SNTG1: variants seen among roughly 807,000 people sequenced by gnomAD.
The protein encoded by SNTG1 is syntrophin gamma 1, also known as gamma-1-syntrophin.
In SNTG1, 39 loss-of-function variants were observed where a neutral mutation model predicts 74.7. The ratio of observed to expected loss-of-function variants is 0.52; its 90% CI spans 0.40 to 0.68. The LOEUF (loss-of-function observed/expected upper bound fraction) is 0.68. Ranked by LOEUF, SNTG1 falls within the 30% of genes least tolerant of loss-of-function variation. The pLI, the probability that SNTG1 is intolerant of heterozygous loss-of-function variation, is 0.00. For synonymous variants in SNTG1, 254 were observed against 217.1 expected (o/e 1.17, Z -1.49); for missense variants, 685 against 609.5 (o/e 1.12, Z -1.30).
At chr8:50,198,744 T>A (rs1453510125) in intron 2 of SNTG1, among the ~76,000 whole-genome samples, 2 of 152,230 alleles carry the variant, frequency 1.3e-5, no homozygotes, top group African/African-American at 2.4e-5. Flanking sequence ...ATTCAAGGAA[T>A]CACAGTGTGT....
chr8:50,496,769 A>G (rs571820287), intron 8 of SNTG1, among the ~76,000 whole-genome samples: 2 of 152,264 alleles, frequency 1.3e-5, no homozygotes, highest in East Asian at 3.9e-4. Flanking sequence ...TTGAGAGAAT[A>G]ACTGTGCTAA....
intron 2 of SNTG1, among the ~76,000 whole-genome samples, chr8:50,176,859 G>A (rs915455373): frequency 3.3e-5 from 5 of 152,158 alleles, no homozygotes; most frequent in African/African-American, 1.2e-4. Context: ...ACCCTAGTAG[G>A]TATGAAGGGA....
chr8:50,501,901 G>C (rs897958833), intron 8 of SNTG1, among the ~76,000 whole-genome samples: 4 of 151,946 alleles, frequency 2.6e-5, no homozygotes, highest in African/African-American at 9.7e-5. Context: ...GATTATTCTT[G>C]TCTCATTTTA....
At chr8:50,377,536 A>G (rs540820868) in intron 2 of SNTG1, among the ~76,000 whole-genome samples, 1 of 152,088 alleles carries the variant, frequency 6.6e-6, no homozygotes, top group African/African-American at 2.4e-5. Flanking sequence ...GAATTTTCAG[A>G]ATTTTTTCTC....
intron 1 of SNTG1, among the ~76,000 whole-genome samples, chr8:49,945,944 T>G (rs1809145703): frequency 6.6e-6 from 1 of 152,164 alleles, no homozygotes; most frequent in Non-Finnish European, 1.5e-5. Flanking sequence ...AAGCATCTTC[T>G]GTTTGCAAAT....
chr8:50,106,127 G>T (rs1012812633), intron 1 of SNTG1, among the ~76,000 whole-genome samples: 3 of 152,064 alleles, frequency 2.0e-5, no homozygotes, highest in South Asian at 2.1e-4. Flanking sequence ...ATGAAGAAAA[G>T]AATTTAATTG....
intron 2 of SNTG1, among the ~76,000 whole-genome samples, chr8:50,294,343 A>C (rs1315350015): frequency 1.1e-4 from 16 of 152,232 alleles, no homozygotes; most frequent in Admixed American, 1.0e-3. Context: ...ACAGCTTCAA[A>C]GTATTCTTAA....
chr8:50,067,203 C>A (rs1042660870), intron 1 of SNTG1, among the ~76,000 whole-genome samples: 2 of 152,144 alleles, frequency 1.3e-5, no homozygotes, highest in Admixed American at 1.3e-4. Flanking sequence ...GCAAGCAATT[C>A]CAATGAACTT....
chr8:50,254,872 GA>G (rs2086808532), intron 2 of SNTG1, among the ~76,000 whole-genome samples: 1 of 144,076 alleles, frequency 6.9e-6, no homozygotes, highest in Non-Finnish European at 1.5e-5. Flanking sequence ...AAAAAAGAAA[GA>G]AAGAAAGGAC....
intron 1 of SNTG1, among the ~76,000 whole-genome samples, chr8:50,113,115 GT>G (rs1326487299): frequency 2.0e-5 from 3 of 152,036 alleles, no homozygotes; most frequent in African/African-American, 7.2e-5. Context: ...TTTTAAAGTA[GT>G]TTTTTTCCAA....
At chr8:50,288,042 G>A (rs1231703343) in intron 2 of SNTG1, among the ~76,000 whole-genome samples, 1 of 151,832 alleles carries the variant, frequency 6.6e-6, no homozygotes, top group Non-Finnish European at 1.5e-5. Context: ...AGACCTTTGG[G>A]GACTGTAAGT....
rs546199330 is a variant in SNTG1 at position 50,423,874 on chromosome 8, T to A, written c.163-14669T>A. On this transcript the variant is annotated intron_variant, in intron 4 of 18. Transcript: ENST00000642720. ...AAAGTCTGAGTGCCTGACATCGCGTTAGGGAGCCGACATAAAGTGGTCAAG... is the reference window on the plus strand; with the variant it reads ...AAAGTCTGAGTGCCTGACATCGCGTAAGGGAGCCGACATAAAGTGGTCAAG... 3.3e-5 allele frequency among the ~76,000 whole-genome samples: 5 copies of A among 152,284 alleles called. No individual in the cohort carries two copies. The South Asian group carries it at 1.0e-3, about 32-fold the overall frequency.
intron 1 of SNTG1, among the ~76,000 whole-genome samples, chr8:50,108,877 G>A (rs2080479315): frequency 1.3e-5 from 2 of 152,082 alleles, no homozygotes; most frequent in African/African-American, 4.8e-5. Flanking sequence ...CTTTGAAGAG[G>A]CCAGAGACCC....
At chr8:50,171,419 C>A (rs886617932) in intron 1 of SNTG1, among the ~76,000 whole-genome samples, 2 of 152,026 alleles carry the variant, frequency 1.3e-5, no homozygotes, top group Admixed American at 1.3e-4. Context: ...GTAGGCTGGG[C>A]CGCTAAGCCA....
intron 8 of SNTG1, among the ~76,000 whole-genome samples, chr8:50,477,711 T>C (rs1372387971): frequency 6.6e-6 from 1 of 152,188 alleles, no homozygotes; most frequent in Admixed American, 6.5e-5. Context: ...TGAAGGATGT[T>C]CATATAGGAA....
intron 9 of SNTG1, 107 bp from the exon 10 acceptor site, chr8:50,530,070 T>C (rs762116649): frequency 5.6e-6 from 5 of 892,348 alleles, no homozygotes; most frequent in Non-Finnish European, 8.8e-6. Flanking sequence ...TTGTAATATC[T>C]GATTTACTTG....
intron 1 of SNTG1, among the ~76,000 whole-genome samples, chr8:50,111,266 AC>A (rs574953138): frequency 3.3e-5 from 5 of 151,618 alleles, no homozygotes; most frequent in South Asian, 4.2e-4. Flanking sequence ...TTGAAGCTCT[AC>A]CCCCCCAATA....
At chr8:50,215,857 A>T (rs1387778064) in intron 2 of SNTG1, among the ~76,000 whole-genome samples, 1 of 152,224 alleles carries the variant, frequency 6.6e-6, no homozygotes, top group Non-Finnish European at 1.5e-5. Flanking sequence ...ACAAGGATCA[A>T]TGCAAAAAAC....
chr8:50,221,751 G>A (rs1463114206), intron 2 of SNTG1, among the ~76,000 whole-genome samples: 1 of 152,060 alleles, frequency 6.6e-6, no homozygotes, highest in African/African-American at 2.4e-5. Flanking sequence ...AATGTATAGT[G>A]GGCATATCAG....
Sources: allele counts gnomAD v4.1 joint callset (sites outside exome capture counted in the v4.1 genomes callset), GRCh38; gene constraint gnomAD v4.1.1; transcripts MANE v1.5; gene names NCBI Gene and HGNC (gene_info 2026-07-23, HGNC 2026-07-21).